Variants in NXF3 observed in about 807,000 individuals in gnomAD.
The protein encoded by NXF3 is TAP-like protein 3.
In NXF3, 34 loss-of-function variants were observed where a neutral mutation model predicts 48.4. The ratio of observed to expected loss-of-function variants is 0.70; its 90% CI spans 0.53 to 0.93. The LOEUF is 0.93. Among genes scored for constraint, NXF3 ranks in the 40% least tolerant of loss-of-function variants. The probability of loss-of-function intolerance (pLI) is 0.00; values close to 1 mark genes in which losing one functional copy is unlikely to be tolerated. For missense variants in NXF3, 359 were observed against 406.1 expected (o/e 0.88, Z 1.00); for synonymous variants, 132 against 145.7 (o/e 0.91, Z 0.68).
intron 14 of NXF3, 36 bp downstream of exon 14, chrX:103,079,548 C>T: frequency 8.3e-7 from 1 of 1,197,821 alleles, no homozygotes; most frequent in Non-Finnish European, 1.1e-6. Context: ...TGTCACACCC[C>T]CTTACCCTGC....
At position 103,080,669 on chromosome X, in the gene NXF3, C is replaced by T. The variant is rs998558336; in HGVS notation, c.891-57G>A. ...TAAGTGAAACTGTGGAGCTGTCCTC[C>T]TCATGGGAGCAATCACACCTACGTC... is the stretch of plus-strand genomic sequence containing the variant. On this transcript the variant is annotated intron_variant, in intron 9 of 19. Transcript: ENST00000395065. 2.3e-5 allele frequency: 25 copies of T among 1,082,415 alleles called. No homozygotes were observed. In the African/African-American group the frequency reaches 4.4e-4, roughly 19 times the overall value. The allele number at this position is 1,082,415 out of a possible 1,213,427, so 89.2% of individuals were successfully genotyped here.
chrX:103,087,877 A>C (rs1183077940), intron 1 of NXF3: 1 of 984,696 alleles, frequency 1.0e-6, no homozygotes, highest in East Asian at 3.1e-5. Context: ...GATTCAAAGC[A>C]AACTTCTGAA....
At chrX:103,088,001 A>C (rs1382824756) in intron 1 of NXF3, 82 of 959,749 alleles carry the variant, frequency 8.5e-5, no homozygotes, top group Non-Finnish European at 1.1e-4. Context: ...GGTGGTTTTG[A>C]AAATGGTGAT....
intron 4 of NXF3, 32 bp downstream of exon 4, chrX:103,083,577 T>C (rs1188035553): frequency 8.4e-7 from 1 of 1,185,031 alleles, no homozygotes; most frequent in African/African-American, 1.8e-5. Flanking sequence ...CCTGTCCTGT[T>C]TTCTCTCGTC....
chrX:103,082,926 A>G (rs1009711640), intron 7 of NXF3, 78 bp from the exon 8 acceptor site: 1 of 1,141,144 alleles, frequency 8.8e-7, no homozygotes, highest in African/African-American at 1.8e-5. Flanking sequence ...ACCCCTCCCC[A>G]AGTTGCCAAC....
At chrX:103,082,724 T>A (rs1290510481) in intron 8 of NXF3, 36 bp downstream of exon 8, 4 of 1,097,250 alleles carry the variant, frequency 3.6e-6, no homozygotes, top group Non-Finnish European at 5.0e-6. Context: ...CTCTTCCACC[T>A]TCACCCTCAA....
chrX:103,075,945 G>T lies in NXF3; in HGVS notation c.*105C>A, dbSNP rs918307058. 2.7e-5 allele frequency: 7 copies of T among 263,039 alleles called. No homozygotes were observed. The highest frequency in any genetic ancestry group is 1.4e-4 in the African/African-American group (5 of 36,698). 21.7% of individuals were successfully genotyped at this position (263,039 alleles called of 1,213,427 possible). A position where few individuals can be genotyped will look rare whatever the true frequency, so the allele number is the denominator to read the frequency against. On this transcript the variant is annotated 3_prime_UTR_variant, in exon 20 of 20. Transcript: ENST00000395065. ...GGATGAGAGTCAGCCCTGTGAGTTG[G>T]GCTTCGGCTTCTTAGCCCCAGCCAG...
chrX:103,086,359 C>G (rs1460602262), intron 1 of NXF3, among the ~76,000 whole-genome samples: 1 of 110,588 alleles, frequency 9.0e-6, no homozygotes, highest in African/African-American at 3.3e-5. Flanking sequence ...TGTAGTGAGC[C>G]GAAATCCCGC....
rs1456914822 is a variant in NXF3, at chrX:103,077,602, G to T, written c.1584+12C>A. The stretch of plus-strand genomic sequence containing the variant: ...TAGTTCATCCCCCAGACTGGGCAGA[G>T]AAAACCTGTACCATTTTCTGCTGCT... On this transcript the variant is annotated intron_variant, in intron 18 of 19. Transcript: ENST00000395065. 4 of 1,208,243 alleles carry T rather than the reference G, an allele frequency of 3.3e-6. No individual in the cohort carries two copies. The African/African-American group carries it at 5.3e-5, about 16-fold the overall frequency.
chrX:103,088,006 G>A, intron 1 of NXF3: 2 of 940,098 alleles, frequency 2.1e-6, no homozygotes, highest in Non-Finnish European at 3.0e-6. Context: ...TTTTGAAAAT[G>A]GTGATATTGG....
chrX:103,076,226 A>T lies in NXF3; in HGVS notation c.*49+15T>A, dbSNP rs1191441448. 25 of 1,176,329 alleles carry T rather than the reference A, an allele frequency of 2.1e-5. No individual in the cohort carries two copies. Among genetic ancestry groups the T allele is most frequent in the Non-Finnish European group, 2.8e-5 (24 of 865,264 alleles). Reference sequence around the variant, plus strand: ...CCCAACCTCTGCTCACTTGGCCTGAATTCCTAGACCTCACCTTGGGCCATG... The same window carrying T: ...CCCAACCTCTGCTCACTTGGCCTGATTTCCTAGACCTCACCTTGGGCCATG... On this transcript the variant is annotated intron_variant, in intron 19 of 19. Transcript: ENST00000395065.
intron 1 of NXF3, among the ~76,000 whole-genome samples, chrX:103,089,836 T>C (rs774240201): frequency 7.1e-5 from 8 of 112,032 alleles, no homozygotes; most frequent in Non-Finnish European, 1.3e-4. Flanking sequence ...TATTTTTTCA[T>C]TGGTCTTTTC....
At position 103,078,731 on chromosome X, in the gene NXF3, G is replaced by C. The variant is rs1191534291; in HGVS notation, c.1379-99C>G. ...AGTCTTGCTTGACACTCACACAGAA[G>C]GGGGCCAGACCAGGACAGTTGTTCA... On this transcript the variant is annotated intron_variant, in intron 16 of 19. Transcript: ENST00000395065. The C allele has an allele frequency of 5.2e-6, 6 of 1,151,194 alleles. No homozygotes were observed. In the East Asian group the frequency reaches 1.5e-4, roughly 29 times the overall value. The allele number at this position is 1,151,194 out of a possible 1,213,427, so 94.9% of individuals were successfully genotyped here.
Position 103,080,173 on chromosome X carries a change from G to A in NXF3, c.971C>T (p.Ala324Val). 1 of 1,211,338 alleles carries A rather than the reference G, an allele frequency of 8.3e-7. No homozygotes were observed. The highest frequency in any genetic ancestry group is 1.1e-6 in the Non-Finnish European group (1 of 895,325). Residue 324 changes from alanine (A) to valine (V), a missense_variant, in exon 11 of 20, where the codon GCC becomes GTC. By Grantham distance (64) the Ala-to-Val change is moderately conservative (BLOSUM62 0). Coordinates refer to ENST00000395065, the MANE Select transcript of NXF3 (RefSeq NM_022052.2). ...SPRATLCGTE[A>V]HKRLPTCKGS... ...CTTACAGGTTGGTAACCTCTTGTGG[G>A]CTTCAGTACCACATAAAGTTGCTCT... is the stretch of plus-strand genomic sequence containing the variant.
rs1351954354 is a variant in NXF3 at position 103,084,818 on chromosome X, T to G, written c.94A>C (p.Ser32Arg). ...CCAGGATTGACAGGTTCAGACCTAC[T>G]GCTAAATCTCCTTTGGTAAATATCC... ...CWDIYQRRFS[S>R]RSEPVNPGMH... Residue 32 changes from serine (S) to arginine (R), a missense_variant, in exon 2 of 20, where the codon AGT becomes CGT. Ser to Arg is a moderately radical substitution (Grantham distance 110). Transcript: ENST00000395065. 1 of 1,211,239 alleles carries G rather than the reference T, an allele frequency of 8.3e-7. No individual in the cohort carries two copies. Among genetic ancestry groups the G allele is most frequent in the East Asian group, 3.0e-5 (1 of 33,866 alleles).
In NXF3 at chrX:103,080,153, A is replaced by T. The variant is rs143663852; in HGVS notation, c.991T>A (p.Cys331Ser). 9.1e-6 allele frequency: 11 copies of T among 1,209,008 alleles called. No individual in the cohort carries two copies. Among genetic ancestry groups the T allele is most frequent in the Non-Finnish European group, 8.9e-6 (8 of 894,869 alleles). ...GTEAHKRLPTCKGSFFGSEML... is the reference protein window; with the variant it reads ...GTEAHKRLPTSKGSFFGSEML... Reference sequence around the variant, plus strand: ...GCTGGATCCTCTCTTCTCACCTTACAGGTTGGTAACCTCTTGTGGGCTTCA... The same window carrying T: ...GCTGGATCCTCTCTTCTCACCTTACTGGTTGGTAACCTCTTGTGGGCTTCA... Residue 331 changes from cysteine (C) to serine (S), a missense_variant, in exon 11 of 20, where the codon TGT (cysteine) becomes AGT (serine). Coordinates refer to ENST00000395065, the MANE Select transcript of NXF3 (RefSeq NM_022052.2).
chrX:103,076,401 G>A, intron 18 of NXF3, 100 bp from the exon 19 acceptor site: 2 of 915,216 alleles, frequency 2.2e-6, no homozygotes, highest in Non-Finnish European at 3.2e-6. Context: ...AAACATGTCT[G>A]TGTTTTCTGG....
Position 103,087,537 on chromosome X carries a change from C to A in NXF3, c.29-2654G>T. 3 of 985,790 alleles carry A rather than the reference C, an allele frequency of 3.0e-6. No homozygotes were observed. In the South Asian group the frequency reaches 5.8e-5, roughly 19 times the overall value. 81.2% of individuals were successfully genotyped at this position (985,790 alleles called of 1,213,427 possible). A position where few individuals can be genotyped will look rare whatever the true frequency, so the allele number is the denominator to read the frequency against. ...CCTATCAGAATAATGTTAAACAGGT[C>A]AGAAGACTGCTGGAGGCCAAACAAG... On this transcript the variant is annotated intron_variant, in intron 1 of 19. Transcript: ENST00000395065.
At chrX:103,078,741 C>T in intron 16 of NXF3, 109 bp from the exon 17 acceptor site, 3 of 1,120,269 alleles carry the variant, frequency 2.7e-6, no homozygotes, top group Non-Finnish European at 3.7e-6. Context: ...GGGGGCCAGA[C>T]CAGGACAGTT....
Sources: allele counts gnomAD v4.1 joint callset (sites outside exome capture counted in the v4.1 genomes callset), GRCh38; gene constraint gnomAD v4.1.1; transcripts MANE v1.5; gene names NCBI Gene and HGNC (gene_info 2026-07-23, HGNC 2026-07-21).